Variants in CASP6 observed in about 807,000 individuals in gnomAD.
CASP6 encodes caspase-6.
CASP6 carries 20 observed loss-of-function variants against 31.8 expected under a neutral mutation model. That is an observed-to-expected ratio of 0.63 (90% CI 0.44 to 0.91). CASP6 has a LOEUF of 0.91. Among genes scored for constraint, CASP6 ranks in the 40% least tolerant of loss-of-function variants. The pLI is 0.00. For synonymous variants in CASP6, 130 were observed against 127.8 expected, an observed-to-expected ratio of 1.02 and a Z score of -0.12; for missense variants, 328 against 361.1, an observed-to-expected ratio of 0.91 and a Z score of 0.74.
upstream of CASP6, among the ~76,000 whole-genome samples, chr4:109,703,942 T>G (rs1730521179): frequency 6.6e-6 from 1 of 152,236 alleles, no homozygotes; most frequent in Non-Finnish European, 1.5e-5. Flanking sequence ...TTCAAAATTT[T>G]TCATTGTTAT....
the CASP6 span, among the ~76,000 whole-genome samples, chr4:109,673,489 C>G: frequency 6.6e-6 from 1 of 152,204 alleles, no homozygotes; most frequent in Non-Finnish European, 1.5e-5. Flanking sequence ...TCCCTGTAAC[C>G]TCAGCTTATG....
At chr4:109,697,563 G>A in intron 3 of CASP6, 59 bp downstream of exon 3, 3 of 1,535,590 alleles carry the variant, frequency 2.0e-6, no homozygotes, top group South Asian at 2.6e-5. Flanking sequence ...CACCACACCT[G>A]GCCAAAAGTA....
chr4:109,666,097 T>C, the CASP6 span, among the ~76,000 whole-genome samples: 1 of 152,170 alleles, frequency 6.6e-6, no homozygotes, highest in Non-Finnish European at 1.5e-5. Context: ...CACTTAGTAA[T>C]ATGCATTTAA....
chr4:109,696,000 G>A (rs901294553), intron 4 of CASP6, among the ~76,000 whole-genome samples: 6 of 152,112 alleles, frequency 3.9e-5, no homozygotes, highest in African/African-American at 1.2e-4. Context: ...CCCTATTGAC[G>A]CTGTGAGAAT....
the CASP6 span, chr4:109,673,716 A>G: frequency 2.1e-6 from 1 of 485,618 alleles, no homozygotes; most frequent in Non-Finnish European, 3.6e-6. Context: ...AATTTGGGGT[A>G]TGAAAATTAA....
At chr4:109,704,165 C>G (rs1341558865), upstream of CASP6, among the ~76,000 whole-genome samples, 1 of 152,172 alleles carries the variant, frequency 6.6e-6, no homozygotes, top group East Asian at 1.9e-4. Context: ...ACTAATAATC[C>G]TACAAAGGCC....
intron 1 of CASP6, among the ~76,000 whole-genome samples, chr4:109,702,191 G>A (rs141201744): frequency 4.6e-5 from 7 of 152,308 alleles, no homozygotes; most frequent in African/African-American, 1.7e-4. Flanking sequence ...GTGCCTCCAG[G>A]ACAAGGCTAC....
At chr4:109,669,511 T>C in the CASP6 span, among the ~76,000 whole-genome samples, 4 of 152,138 alleles carry the variant, frequency 2.6e-5, 1 homozygote, top group African/African-American at 9.7e-5. Flanking sequence ...CTCTTGGCAT[T>C]TGTTCTGCTT....
the CASP6 span, among the ~76,000 whole-genome samples, chr4:109,708,737 A>G: frequency 6.6e-6 from 1 of 152,206 alleles, no homozygotes; most frequent in South Asian, 2.1e-4. Flanking sequence ...ACTATAGTCT[A>G]TGTGGTTAAG....
intron 6 of CASP6, among the ~76,000 whole-genome samples, chr4:109,690,247 A>AACAACAC (rs1554021792): frequency 7.0e-6 from 1 of 143,398 alleles, no homozygotes; most frequent in East Asian, 2.0e-4. Flanking sequence ...AAAAAAAAAA[A>AACAACAC]ACGCACGCAC....
the CASP6 span, among the ~76,000 whole-genome samples, chr4:109,708,788 T>A: frequency 6.6e-6 from 1 of 152,220 alleles, no homozygotes; most frequent in South Asian, 2.1e-4. Flanking sequence ...TTTCCCCTTA[T>A]TCACCACTGA....
intron 5 of CASP6, among the ~76,000 whole-genome samples, chr4:109,693,852 C>G (rs894498367): frequency 1.3e-5 from 2 of 151,740 alleles, no homozygotes; most frequent in East Asian, 2.0e-4. Flanking sequence ...AATTCTCATG[C>G]CTCAGCTTCC....
At position 109,690,967 on chromosome 4, in the gene CASP6, C is replaced by T. The variant is rs1325062582; in HGVS notation, c.526G>A (p.Asp176Asn). ...TTCTCTGTCTGATTATCTACTACATCCAAAGGAATGACTGGCACATCGTGC... is the reference window on the plus strand; with the variant it reads ...TTCTCTGTCTGATTATCTACTACATTCAAAGGAATGACTGGCACATCGTGC... Reference protein sequence around the residue: ...NQHDVPVIPLDVVDNQTEKLD... With the variant: ...NQHDVPVIPLNVVDNQTEKLD... Residue 176 changes from aspartate (D) to asparagine (N), a missense_variant, in exon 6 of 7, where the codon GAT becomes AAT. Physicochemically the swap from Asp to Asn is conservative, Grantham distance 23. Coordinates refer to ENST00000265164, the MANE Select transcript of CASP6 (RefSeq NM_001226.4). 4 of 1,613,552 alleles carry T rather than the reference C, an allele frequency of 2.5e-6. No homozygotes were observed. The highest frequency in any genetic ancestry group is 2.7e-5 in the African/African-American group (2 of 74,926).
At chr4:109,668,698 G>GT in the CASP6 span, among the ~76,000 whole-genome samples, 2,148 of 141,314 alleles carry the variant, frequency 0.015, 31 homozygotes, top group African/African-American at 0.037. Context: ...TGTTGCCACT[G>GT]TTTTTTTTTT....
At chr4:109,703,296 C>A in intron 1 of CASP6, 60 bp downstream of exon 1, 1 of 1,562,976 alleles carries the variant, frequency 6.4e-7, no homozygotes, top group Non-Finnish European at 8.7e-7. Context: ...ACCCTCGTTT[C>A]CCCTCCAGCC....
chr4:109,702,116 G>A (rs893420832), intron 1 of CASP6, among the ~76,000 whole-genome samples: 1 of 152,186 alleles, frequency 6.6e-6, no homozygotes, highest in Non-Finnish European at 1.5e-5. Flanking sequence ...GAAGAGGAAG[G>A]GAGCAGGTGA....
upstream of CASP6, among the ~76,000 whole-genome samples, chr4:109,705,130 T>C (rs1284541697): frequency 1.3e-5 from 2 of 152,228 alleles, no homozygotes; most frequent in Non-Finnish European, 2.9e-5. Context: ...CTGATGCTCT[T>C]GTTAGGGGCT....
At chr4:109,709,386 T>C in the CASP6 span, among the ~76,000 whole-genome samples, 1 of 152,086 alleles carries the variant, frequency 6.6e-6, no homozygotes, top group African/African-American at 2.4e-5. Context: ...CAAAGAAAAA[T>C]ATTCCCACAG....
chr4:109,703,208 G>C (rs1730482734), intron 1 of CASP6, 148 bp downstream of exon 1: 2 of 869,200 alleles, frequency 2.3e-6, no homozygotes, highest in South Asian at 1.7e-5. Context: ...TTCAATCCAA[G>C]AGTGCAACTT....
Sources: allele counts gnomAD v4.1 joint callset (sites outside exome capture counted in the v4.1 genomes callset), GRCh38; gene constraint gnomAD v4.1.1; transcripts MANE v1.5; gene names NCBI Gene and HGNC (gene_info 2026-07-23, HGNC 2026-07-21).